Variants in ARNT2 observed in about 807,000 individuals in gnomAD.
ARNT2 encodes the protein ARNT protein 2.
ARNT2 carries 36 observed loss-of-function variants against 91.7 expected under a neutral mutation model. That is an observed-to-expected ratio of 0.39 (90% CI 0.30 to 0.52). The LOEUF is 0.52. Among genes scored for constraint, ARNT2 ranks in the 20% least tolerant of loss-of-function variants. The pLI, the probability that ARNT2 is intolerant of heterozygous loss-of-function variation, is 0.72. For synonymous variants in ARNT2, 365 were observed against 347.1 expected, an observed-to-expected ratio of 1.05 and a Z score of -0.57; for missense variants, 775 against 939.3, an observed-to-expected ratio of 0.83 and a Z score of 2.29.
chr15:80,428,009 C>T (rs1244115878), intron 1 of ARNT2, among the ~76,000 whole-genome samples: 2 of 152,194 alleles, frequency 1.3e-5, no homozygotes, highest in East Asian at 3.8e-4. Context: ...ATCAGCTCGG[C>T]CTGATAATGA....
intron 8 of ARNT2, among the ~76,000 whole-genome samples, chr15:80,549,173 T>G (rs1031297212): frequency 6.6e-6 from 1 of 152,126 alleles, no homozygotes; most frequent in African/African-American, 2.4e-5. Flanking sequence ...TGGATAGCTA[T>G]TTAGAGAAAG....
chr15:80,485,837 G>A (rs920510922), intron 5 of ARNT2, among the ~76,000 whole-genome samples: 5 of 152,242 alleles, frequency 3.3e-5, no homozygotes, highest in African/African-American at 1.2e-4. Context: ...GGGTATTCAA[G>A]GTTAGGAGGA....
intron 1 of ARNT2, among the ~76,000 whole-genome samples, chr15:80,425,425 T>G (rs921006231): frequency 6.6e-6 from 1 of 152,204 alleles, no homozygotes; most frequent in Non-Finnish European, 1.5e-5. Flanking sequence ...AAATTCCAAT[T>G]TACTTAAAAA....
chr15:80,516,746 C>T (rs1897439327), intron 8 of ARNT2, among the ~76,000 whole-genome samples: 1 of 145,322 alleles, frequency 6.9e-6, no homozygotes, highest in Non-Finnish European at 1.5e-5. Flanking sequence ...CTTTTTTTGC[C>T]TTTTTTAAGT....
chr15:80,547,908 A>G (rs962549229), intron 8 of ARNT2, among the ~76,000 whole-genome samples: 3 of 152,166 alleles, frequency 2.0e-5, no homozygotes, highest in Non-Finnish European at 4.4e-5. Flanking sequence ...TGTGATGGGT[A>G]AAAGATCTAT....
rs769959071 is a variant in ARNT2, at chr15:80,404,509, G to C, written c.-7G>C. The C allele has an allele frequency of 8.1e-7, 1 of 1,234,878 alleles. No individual in the cohort carries two copies. The highest frequency in any genetic ancestry group is 1.0e-6 in the Non-Finnish European group (1 of 970,108). 76.5% of individuals were successfully genotyped at this position (1,234,878 alleles called of 1,614,324 possible). Reference sequence around the variant, plus strand: ...TGCCAAGCGGGCGCCTATCCTCTCCGAGCAAGATGGCAACCCCGGCGGCGG... The same window carrying C: ...TGCCAAGCGGGCGCCTATCCTCTCCCAGCAAGATGGCAACCCCGGCGGCGG... On this transcript the variant is annotated 5_prime_UTR_variant, in exon 1 of 19. Coordinates refer to ENST00000303329, the MANE Select transcript of ARNT2 (RefSeq NM_014862.4). The surrounding 1 kb of genome is among the most constrained non-coding windows in gnomAD (Gnocchi z 5.5).
At chr15:80,588,253 C>CACCT (rs1893213263) in intron 17 of ARNT2, among the ~76,000 whole-genome samples, 1 of 152,168 alleles carries the variant, frequency 6.6e-6, no homozygotes, top group African/African-American at 2.4e-5. Context: ...CAAGCCTAGG[C>CACCT]ACCTCCTTCT....
intron 5 of ARNT2, among the ~76,000 whole-genome samples, chr15:80,496,178 A>C (rs892132479): frequency 6.6e-6 from 1 of 151,830 alleles, no homozygotes; most frequent in Non-Finnish European, 1.5e-5. Context: ...CCCTCTCTTG[A>C]CAATATTATT....
chr15:80,565,698 T>G (rs1418816693), intron 12 of ARNT2, among the ~76,000 whole-genome samples: 1 of 152,218 alleles, frequency 6.6e-6, no homozygotes, highest in Non-Finnish European at 1.5e-5. Flanking sequence ...AGTATCTTGT[T>G]CATGTCCTTT....
intron 1 of ARNT2, among the ~76,000 whole-genome samples, chr15:80,423,440 A>C (rs1895888269): frequency 6.6e-6 from 1 of 152,228 alleles, no homozygotes; most frequent in African/African-American, 2.4e-5. Context: ...TGAGTCACAT[A>C]ATCAGTTATG....
chr15:80,425,640 G>A (rs1482585929), intron 1 of ARNT2, among the ~76,000 whole-genome samples: 1 of 151,968 alleles, frequency 6.6e-6, no homozygotes, highest in African/African-American at 2.4e-5. Context: ...ATACATATGT[G>A]TGTGCCATGA....
intron 8 of ARNT2, among the ~76,000 whole-genome samples, chr15:80,548,235 A>G (rs2141454065): frequency 6.6e-6 from 1 of 152,332 alleles, no homozygotes; most frequent in South Asian, 2.1e-4. Flanking sequence ...AAGGCATTAA[A>G]GAGATTTGCA....
At chr15:80,439,880 G>C (rs1321749532) in intron 1 of ARNT2, among the ~76,000 whole-genome samples, 1 of 152,180 alleles carries the variant, frequency 6.6e-6, no homozygotes, top group Non-Finnish European at 1.5e-5. Context: ...CTCACTAGCA[G>C]GTCCTCCTCA....
intron 3 of ARNT2, among the ~76,000 whole-genome samples, chr15:80,460,268 C>G (rs1220173238): frequency 2.0e-5 from 3 of 152,210 alleles, no homozygotes; most frequent in Non-Finnish European, 4.4e-5. Flanking sequence ...TCCTGCCTAT[C>G]ATGAGACCTC....
intron 11 of ARNT2, among the ~76,000 whole-genome samples, chr15:80,560,814 CCTTA>C (rs1229694550): frequency 6.6e-6 from 1 of 152,188 alleles, no homozygotes; most frequent in African/African-American, 2.4e-5. Context: ...ATGTGCCTGG[CCTTA>C]CTTACTCTGC....
intron 14 of ARNT2, among the ~76,000 whole-genome samples, chr15:80,575,638 C>T (rs1011268082): frequency 6.6e-6 from 1 of 152,244 alleles, no homozygotes; most frequent in Non-Finnish European, 1.5e-5. Context: ...GTGGGTGAGA[C>T]GACTCTGCTC....
At chr15:80,593,576 G>A in intron 18 of ARNT2, 24 bp from the exon 19 acceptor site, 2 of 1,552,644 alleles carry the variant, frequency 1.3e-6, no homozygotes, top group South Asian at 1.2e-5. Flanking sequence ...CTCCCCTGTG[G>A]CTCTCTTTTC....
At chr15:80,483,411 T>C (rs1194542429) in intron 5 of ARNT2, among the ~76,000 whole-genome samples, 1 of 152,204 alleles carries the variant, frequency 6.6e-6, no homozygotes, top group African/African-American at 2.4e-5. Context: ...GCCCTACTTG[T>C]GTTTGTACAG....
At chr15:80,570,495 C>T (rs750439432) in intron 12 of ARNT2, among the ~76,000 whole-genome samples, 5 of 151,418 alleles carry the variant, frequency 3.3e-5, no homozygotes, top group Non-Finnish European at 7.4e-5. Flanking sequence ...GAAAGTAATG[C>T]TTTTTTTTTC....
Sources: allele counts gnomAD v4.1 joint callset (sites outside exome capture counted in the v4.1 genomes callset), GRCh38; gene constraint gnomAD v4.1.1; non-coding constraint Gnocchi (gnomAD v3.1); transcripts MANE v1.5; gene names NCBI Gene and HGNC (gene_info 2026-07-23, HGNC 2026-07-21).